The following SDR42E2 variants were observed in gnomAD, a reference collection of about 807,000 sequenced individuals.
The protein encoded by SDR42E2 is putative short-chain dehydrogenase/reductase family 42E member 2.
In SDR42E2, 20 loss-of-function variants were observed where a neutral mutation model predicts 10.5. The observed-to-expected ratio is 1.90, with a 90% CI of 1.34 to 2.77. SDR42E2 has a LOEUF of 2.77. Ranked by LOEUF, SDR42E2 falls within the 30% of genes most tolerant of loss-of-function variation. The pLI is 0.00. For missense variants in SDR42E2, 162 were observed against 104.2 expected (o/e 1.55, Z -2.42); for synonymous variants, 72 against 39.2 (o/e 1.84, Z -3.12).
At chr16:22,185,205 A>G (rs972318585) in intron 11 of SDR42E2, among the ~76,000 whole-genome samples, 5 of 152,170 alleles carry the variant, frequency 3.3e-5, no homozygotes, top group Admixed American at 3.3e-4. Context: ...GCCTTCAGAC[A>G]TGGAGTGACC....
intron 7 of SDR42E2, among the ~76,000 whole-genome samples, chr16:22,173,903 G>GTATATATATATATATA (rs146432754): frequency 0.021 from 2,339 of 111,946 alleles, 51 homozygotes; most frequent in African/African-American, 0.029. Flanking sequence ...ATATGTGTGT[G>GTATATATATATATATA]TGTATATATA....
intron 12 of SDR42E2, among the ~76,000 whole-genome samples, chr16:22,189,843 G>C (rs558779744): frequency 1.9e-3 from 296 of 152,296 alleles, no homozygotes; most frequent in Non-Finnish European, 2.6e-3. Context: ...GATGAGTGTA[G>C]GGGTGAGACC....
Position 22,178,124 on chromosome 16 carries a change from T to C in SDR42E2, c.590-6T>C. ...TGACCCCTGACCACGCTTCCCTGTG[T>C]GCTAGGAGGAGGCACTCTTCGGACG... On this transcript the variant is annotated splice_polypyrimidine_tract_variant and splice_region_variant and intron_variant, in intron 7 of 12. Coordinates refer to ENST00000602312, the MANE Select transcript of SDR42E2 (RefSeq NM_001394319.2). 2.8e-6 allele frequency: 2 copies of C among 702,568 alleles called. No individual in the cohort carries two copies. Among genetic ancestry groups the C allele is most frequent in the Non-Finnish European group, 5.2e-6 (2 of 384,842 alleles). 43.5% of individuals were successfully genotyped at this position (702,568 alleles called of 1,614,324 possible).
At chr16:22,175,540 CTTTT>C (rs759069697) in intron 7 of SDR42E2, among the ~76,000 whole-genome samples, 2 of 137,022 alleles carry the variant, frequency 1.5e-5, no homozygotes, top group African/African-American at 2.8e-5. Flanking sequence ...ACACTCCTTC[CTTTT>C]TTTTTTTTTT....
chr16:22,186,735 C>T lies in SDR42E2; in HGVS notation c.955C>T (p.Arg319Cys), dbSNP rs1190805252. 7 of 400,718 alleles carry T rather than the reference C, an allele frequency of 1.7e-5. No individual in the cohort carries two copies. Among genetic ancestry groups the T allele is most frequent in the African/African-American group, 6.2e-5 (3 of 48,462 alleles). The allele number at this position is 400,718 out of a possible 1,614,324, so 24.8% of individuals were successfully genotyped here. A position where few individuals can be genotyped will look rare whatever the true frequency, so the allele number is the denominator to read the frequency against. The change falls in exon 12 of 13, where the codon CGC (arginine) becomes TGC (cysteine). Residue 319 changes from arginine (R) to cysteine (C), a missense_variant. Arg to Cys is a radical substitution (Grantham distance 180, BLOSUM62 -3). Transcript: ENST00000602312. ...CTTCCCTGCAGCAGCAGTTATGGAG[C>T]GCCTCCATCTGGCCCTGAGACCCAT... is the stretch of plus-strand genomic sequence containing the variant. ...WVYLTAAVME[R>C]LHLALRPICS...
At chr16:22,171,133 T>C (rs1249430863) in intron 6 of SDR42E2, among the ~76,000 whole-genome samples, 182 bp downstream of exon 6, 12 of 152,232 alleles carry the variant, frequency 7.9e-5, no homozygotes, top group Admixed American at 4.6e-4. Flanking sequence ...TGCAGGGGCA[T>C]TGAAATCAGA....
chr16:22,164,039 C>A (rs1166559525), intron 1 of SDR42E2, among the ~76,000 whole-genome samples: 1 of 146,006 alleles, frequency 6.8e-6, no homozygotes, highest in Admixed American at 7.1e-5. Flanking sequence ...GGTCATCCAG[C>A]CTCATCCTCA....
chr16:22,170,818 C>T lies in SDR42E2; in HGVS notation c.395-15C>T, dbSNP rs1283323028. ...GTGTGTGTTTATTTGTTGCTATGTGCACCTGCTGCTGCAGTCTGTGTTCGC... is the reference window on the plus strand; with the variant it reads ...GTGTGTGTTTATTTGTTGCTATGTGTACCTGCTGCTGCAGTCTGTGTTCGC... On this transcript the variant is annotated splice_polypyrimidine_tract_variant and intron_variant, in intron 5 of 12. Transcript: ENST00000602312. The T allele has an allele frequency of 2.8e-6, 2 of 702,986 alleles. No homozygotes were observed. Among genetic ancestry groups the T allele is most frequent in the East Asian group, 5.4e-5 (2 of 37,290 alleles). The allele number at this position is 702,986 out of a possible 1,614,324, so 43.5% of individuals were successfully genotyped here.
intron 1 of SDR42E2, among the ~76,000 whole-genome samples, chr16:22,162,831 C>A (rs1166659368): frequency 6.6e-6 from 1 of 152,184 alleles, no homozygotes; most frequent in East Asian, 1.9e-4. Flanking sequence ...CAGTTTCCAC[C>A]TCTGGGTAAT....
Position 22,190,427 on chromosome 16 carries a change from C to A in SDR42E2, c.*34C>A, listed in dbSNP as rs2046765624. The A allele has an allele frequency of 2.5e-6, 1 of 401,520 alleles. No homozygotes were observed. Among genetic ancestry groups the A allele is most frequent in the African/African-American group, 2.1e-5 (1 of 48,618 alleles). 24.9% of individuals were successfully genotyped at this position (401,520 alleles called of 1,614,324 possible). A position where few individuals can be genotyped will look rare whatever the true frequency, so the allele number is the denominator to read the frequency against. ...CGTCCGCCGCCCGCTAGGGTCGGCCCCGCTGCACCCTCGCCCACGCCCGGC... is the reference window on the plus strand; with the variant it reads ...CGTCCGCCGCCCGCTAGGGTCGGCCACGCTGCACCCTCGCCCACGCCCGGC... On this transcript the variant is annotated 3_prime_UTR_variant, in exon 13 of 13. Transcript: ENST00000602312.
At chr16:22,178,464 C>A (rs2046664838) in intron 8 of SDR42E2, among the ~76,000 whole-genome samples, 1 of 152,196 alleles carries the variant, frequency 6.6e-6, no homozygotes, top group African/African-American at 2.4e-5. Flanking sequence ...AGAGCTGTGA[C>A]CCCAAAAAGG....
chr16:22,163,340 G>C (rs1281067323), intron 1 of SDR42E2, among the ~76,000 whole-genome samples: 1 of 152,054 alleles, frequency 6.6e-6, no homozygotes, highest in East Asian at 1.9e-4. Context: ...GCTCGCTGTG[G>C]GGCTGCATCC....
At chr16:22,178,233 G>T in intron 8 of SDR42E2, 21 bp downstream of exon 8, 1 of 702,110 alleles carries the variant, frequency 1.4e-6, no homozygotes. Flanking sequence ...CCCGCCTTCA[G>T]GACCCAAGTC....
Position 22,182,282 on chromosome 16 carries a change from G to A in SDR42E2, c.876+5G>A, listed in dbSNP as rs1246507069. 1.5e-5 allele frequency: 6 copies of A among 401,256 alleles called. No individual in the cohort carries two copies. The South Asian group carries it at 5.0e-4, about 34-fold the overall frequency. 24.9% of individuals were successfully genotyped at this position (401,256 alleles called of 1,614,324 possible). ...TTTGAGTGGATGGCCCCACTGGTAG[G>A]TGCACAGATGCCCACCCACCCCGAA... On this transcript the variant is annotated splice_donor_5th_base_variant and intron_variant, in intron 10 of 12. Coordinates refer to ENST00000602312, the MANE Select transcript of SDR42E2 (RefSeq NM_001394319.2).
chr16:22,168,677 AT>A (rs1483809428), intron 4 of SDR42E2, among the ~76,000 whole-genome samples: 2 of 152,192 alleles, frequency 1.3e-5, no homozygotes, highest in Middle Eastern at 3.4e-3. Context: ...GTTTGAGACC[AT>A]CCTGACCAAC....
intron 11 of SDR42E2, among the ~76,000 whole-genome samples, chr16:22,184,920 A>G (rs967652441): frequency 2.0e-5 from 3 of 152,086 alleles, no homozygotes; most frequent in African/African-American, 7.2e-5. Flanking sequence ...GGAATTCACA[A>G]CTGGGCTTGG....
intron 11 of SDR42E2, among the ~76,000 whole-genome samples, chr16:22,185,157 C>T (rs2046727592): frequency 6.6e-6 from 1 of 152,160 alleles, no homozygotes; most frequent in African/African-American, 2.4e-5. Flanking sequence ...GTCCCCAGCA[C>T]CCATACAATG....
chr16:22,171,160 C>A (rs1345388224), intron 6 of SDR42E2, among the ~76,000 whole-genome samples: 1 of 152,228 alleles, frequency 6.6e-6, no homozygotes, highest in Non-Finnish European at 1.5e-5. Flanking sequence ...TGGCCTTAGC[C>A]TCAACCTGGC....
intron 4 of SDR42E2, among the ~76,000 whole-genome samples, chr16:22,167,450 G>T (rs1225835875): frequency 6.6e-6 from 1 of 152,126 alleles, no homozygotes; most frequent in African/African-American, 2.4e-5. Context: ...CTCCCAAAGT[G>T]CTGGGATTAC....
Sources: gnomAD v4.1 joint callset for allele counts (sites outside exome capture counted in the v4.1 genomes callset) on GRCh38, gnomAD v4.1.1 for gene constraint, MANE v1.5 for transcripts, NCBI Gene and HGNC (gene_info 2026-07-23, HGNC 2026-07-21) for gene names.